The following AGMO variants were observed in gnomAD, a reference collection of about 807,000 sequenced individuals.
AGMO encodes the protein alkylglycerol monooxygenase.
A neutral mutation model predicts 60.2 loss-of-function variants in AGMO; 75 were observed. That is an observed-to-expected ratio of 1.25 (90% confidence interval 1.03 to 1.51). The LOEUF (loss-of-function observed/expected upper bound fraction) is 1.51, where lower values mean the gene tolerates loss of function less well. Ranked by LOEUF, AGMO falls within the 40% of genes most tolerant of loss-of-function variation. The probability of loss-of-function intolerance (pLI) is 0.00; values close to 1 mark genes in which losing one functional copy is unlikely to be tolerated. For missense variants in AGMO, 763 were observed against 525.5 expected, an observed-to-expected ratio of 1.45 and a Z score of -4.42; for synonymous variants, 261 against 177.1, an observed-to-expected ratio of 1.47 and a Z score of -3.76.
chr7:15,380,430 AT>A (rs1208794862), intron 10 of AGMO, among the ~76,000 whole-genome samples: 1 of 152,144 alleles, frequency 6.6e-6, no homozygotes, highest in East Asian at 1.9e-4. Context: ...GAATAATAAA[AT>A]ACCTAGTGAT....
chr7:15,443,712 C>T (rs1006295151), intron 3 of AGMO, among the ~76,000 whole-genome samples: 3 of 152,122 alleles, frequency 2.0e-5, no homozygotes, highest in Non-Finnish European at 4.4e-5. Context: ...CTGATTTGTA[C>T]ATCCAGAGAG....
chr7:15,290,911 G>T (rs1784245504), intron 12 of AGMO, among the ~76,000 whole-genome samples: 1 of 152,190 alleles, frequency 6.6e-6, no homozygotes, highest in South Asian at 2.1e-4. Context: ...TTTTCCAGGG[G>T]TTCTTATTAA....
In AGMO at chr7:15,230,100, A is replaced by G. The variant is rs1447199380; in HGVS notation, c.1264-28741T>C. On this transcript the variant is annotated intron_variant, in intron 12 of 12. Transcript: ENST00000342526. ...AAAATTTCAAGCCAAATTTTCTTAA[A>G]TTATTGCTTTCCCCATTAAAGGACT... Among the ~76,000 whole-genome samples the G allele has an allele frequency of 2.6e-5, 4 of 152,176 alleles. No individual in the cohort carries two copies. The East Asian group carries it at 7.7e-4, about 29-fold the overall frequency.
chr7:15,252,029 T>C (rs992152781), intron 12 of AGMO, among the ~76,000 whole-genome samples: 1 of 152,230 alleles, frequency 6.6e-6, no homozygotes, highest in African/African-American at 2.4e-5. Context: ...TAGGCGATTG[T>C]GCTTCATAAC....
intron 3 of AGMO, among the ~76,000 whole-genome samples, chr7:15,503,771 T>C (rs1247764070): frequency 6.6e-6 from 1 of 152,006 alleles, no homozygotes; most frequent in Non-Finnish European, 1.5e-5. Flanking sequence ...TTGTACAACA[T>C]GAGTCAGGGC....
intron 12 of AGMO, among the ~76,000 whole-genome samples, chr7:15,269,012 A>G (rs1450986141): frequency 1.3e-5 from 2 of 152,090 alleles, no homozygotes; most frequent in Non-Finnish European, 2.9e-5. Flanking sequence ...TTAGCTTAGG[A>G]TTGAGCAAAT....
intron 3 of AGMO, among the ~76,000 whole-genome samples, chr7:15,510,337 T>G (rs185859506): frequency 1.3e-5 from 2 of 151,980 alleles, no homozygotes; most frequent in Non-Finnish European, 1.5e-5. Flanking sequence ...AGCTAAGTTT[T>G]TTTTGTTTTG....
chr7:15,515,181 G>A (rs1450658844), intron 3 of AGMO, among the ~76,000 whole-genome samples: 1 of 152,186 alleles, frequency 6.6e-6, no homozygotes, highest in Non-Finnish European at 1.5e-5. Context: ...ACTTCTGTCT[G>A]TTTATGCTTC....
At chr7:15,387,617 T>C in intron 8 of AGMO, 77 bp from the exon 9 acceptor site, 4 of 1,326,954 alleles carry the variant, frequency 3.0e-6, no homozygotes, top group Non-Finnish European at 4.1e-6. Context: ...ATGTATATTA[T>C]TTTATTGTTC....
intron 12 of AGMO, among the ~76,000 whole-genome samples, chr7:15,309,929 A>C (rs892223598): frequency 6.6e-6 from 1 of 152,154 alleles, no homozygotes; most frequent in Non-Finnish European, 1.5e-5. Context: ...TCATCTTTGC[A>C]GGTTTCCAAA....
chr7:15,272,076 T>G (rs1783628049), intron 12 of AGMO, among the ~76,000 whole-genome samples: 1 of 152,172 alleles, frequency 6.6e-6, no homozygotes, highest in Non-Finnish European at 1.5e-5. Context: ...GGATTTACTT[T>G]GCTAGTATTT....
intron 12 of AGMO, among the ~76,000 whole-genome samples, chr7:15,343,503 G>C (rs549181364): frequency 7.9e-5 from 12 of 152,052 alleles, no homozygotes; most frequent in Non-Finnish European, 1.8e-4. Context: ...GTACATACAG[G>C]TTTACTTTTT....
At chr7:15,547,786 G>T (rs370558823) in intron 2 of AGMO, among the ~76,000 whole-genome samples, 79 of 151,934 alleles carry the variant, frequency 5.2e-4, no homozygotes, top group Middle Eastern at 6.8e-3. Flanking sequence ...CAAAGCAGCC[G>T]GGAAGCTCCA....
At chr7:15,471,552 T>C (rs570146448) in intron 3 of AGMO, among the ~76,000 whole-genome samples, 1 of 151,984 alleles carries the variant, frequency 6.6e-6, no homozygotes, top group South Asian at 2.1e-4. Context: ...GAATATTGTT[T>C]AGTAGCTTTA....
At chr7:15,469,885 T>C (rs975515548) in intron 3 of AGMO, among the ~76,000 whole-genome samples, 4 of 152,016 alleles carry the variant, frequency 2.6e-5, no homozygotes, top group African/African-American at 9.7e-5. Context: ...AGATGGAGAC[T>C]AGGATGATTG....
intron 3 of AGMO, among the ~76,000 whole-genome samples, chr7:15,510,090 T>C: frequency 6.6e-6 from 1 of 152,106 alleles, no homozygotes; most frequent in Non-Finnish European, 1.5e-5. Context: ...ATAAAACCAG[T>C]ATAGGGAAGA....
rs1782417857 is a variant in AGMO, at chr7:15,470,331, G to T, written c.410-39223C>A. On this transcript the variant is annotated intron_variant, in intron 3 of 12. Coordinates refer to ENST00000342526, the MANE Select transcript of AGMO (RefSeq NM_001004320.2). ...AGGAGTAAATAACAAGAAATTTGAA[G>T]AAAGTGAGGTAATACAACATTAATG... Among the ~76,000 whole-genome samples the T allele has an allele frequency of 2.0e-5, 3 of 151,982 alleles. No individual in the cohort carries two copies. In the South Asian group the frequency reaches 6.2e-4, roughly 31 times the overall value.
chr7:15,242,763 C>T (rs1339359287), intron 12 of AGMO, among the ~76,000 whole-genome samples: 1 of 152,008 alleles, frequency 6.6e-6, no homozygotes, highest in Admixed American at 6.6e-5. Context: ...ACATGATAAT[C>T]TTAATATACA....
intron 12 of AGMO, among the ~76,000 whole-genome samples, chr7:15,292,359 G>T (rs1262563608): frequency 6.6e-6 from 1 of 152,264 alleles, no homozygotes; most frequent in Non-Finnish European, 1.5e-5. Flanking sequence ...AGCCACAACT[G>T]AGAAGCAATT....
Sources: allele counts gnomAD v4.1 joint callset (sites outside exome capture counted in the v4.1 genomes callset), GRCh38; gene constraint gnomAD v4.1.1; transcripts MANE v1.5; gene names NCBI Gene and HGNC (gene_info 2026-07-23, HGNC 2026-07-21).